Variants in KIAA1217 observed in about 807,000 individuals in gnomAD.
The protein encoded by KIAA1217 is KIAA1217.
Under a neutral mutation model 163.9 loss-of-function variants are expected in KIAA1217, and 88 were observed. The observed-to-expected ratio is 0.54, with a 90% confidence interval of 0.45 to 0.64. KIAA1217 has a LOEUF of 0.64. KIAA1217 is among the 30% of genes least tolerant of loss of function. The probability of loss-of-function intolerance (pLI) is 0.00; values close to 1 mark genes in which losing one functional copy is unlikely to be tolerated. For missense variants in KIAA1217, 2,372 were observed against 2,475.0 expected, an observed-to-expected ratio of 0.96 and a Z score of 0.88; for synonymous variants, 903 against 923.1, an observed-to-expected ratio of 0.98 and a Z score of 0.39.
At chr10:23,737,735 A>C (rs1838893341) in intron 1 of KIAA1217, among the ~76,000 whole-genome samples, 1 of 152,176 alleles carries the variant, frequency 6.6e-6, no homozygotes, top group South Asian at 2.1e-4. Flanking sequence ...ATTTGTGAGA[A>C]TACATTATTT....
chr10:24,521,756 A>G (rs1476708132), intron 11 of KIAA1217, 26 bp from the exon 12 acceptor site: 1 of 1,603,358 alleles, frequency 6.2e-7, no homozygotes. Context: ...TTCTCCTCCA[A>G]TTCACCTGCT....
At chr10:23,976,066 C>T (rs894804091) in intron 1 of KIAA1217, among the ~76,000 whole-genome samples, 17 of 152,124 alleles carry the variant, frequency 1.1e-4, no homozygotes, top group South Asian at 2.1e-4. Context: ...AATGTCAAAA[C>T]GAAATAGGAC....
chr10:23,763,207 A>G (rs1309959650), intron 1 of KIAA1217, among the ~76,000 whole-genome samples: 6 of 152,242 alleles, frequency 3.9e-5, no homozygotes, highest in Non-Finnish European at 7.3e-5. Flanking sequence ...TTATAGATTC[A>G]ATGCTGTTTC....
chr10:23,879,684 A>T (rs10828562), intron 1 of KIAA1217, among the ~76,000 whole-genome samples: 28,392 of 151,872 alleles, frequency 0.19, 2,760 homozygotes, highest in Middle Eastern at 0.22. Context: ...TTCTTTAATG[A>T]GTTTCTGTAT....
At chr10:24,466,596 T>G (rs956967422) in intron 5 of KIAA1217, 6 of 985,238 alleles carry the variant, frequency 6.1e-6, no homozygotes, top group Non-Finnish European at 7.2e-6. Flanking sequence ...TTGTGAACAC[T>G]CGAGCTGAGA....
intron 1 of KIAA1217, among the ~76,000 whole-genome samples, chr10:23,907,541 C>T (rs76165076): frequency 0.028 from 4,202 of 152,008 alleles, 83 homozygotes; most frequent in Non-Finnish European, 0.041. Flanking sequence ...GGTCTGGGTC[C>T]GATAGCCCAA....
At chr10:23,840,275 C>T (rs565794834) in intron 1 of KIAA1217, among the ~76,000 whole-genome samples, 2 of 152,162 alleles carry the variant, frequency 1.3e-5, no homozygotes, top group Non-Finnish European at 2.9e-5. Context: ...TCTGCCTCAG[C>T]CTCCCGAGTA....
At chr10:24,136,503 G>A (rs79527607) in intron 2 of KIAA1217, among the ~76,000 whole-genome samples, 1 of 151,930 alleles carries the variant, frequency 6.6e-6, no homozygotes, top group East Asian at 1.9e-4. Flanking sequence ...AAATATGAAG[G>A]CTACTTTAAA....
intron 2 of KIAA1217, among the ~76,000 whole-genome samples, chr10:24,264,630 A>C (rs756070285): frequency 1.3e-5 from 2 of 152,194 alleles, no homozygotes; most frequent in African/African-American, 2.4e-5. Context: ...CTGGGTAAGA[A>C]CTTGTGCTGA....
chr10:24,203,391 G>A (rs193272523), intron 2 of KIAA1217, among the ~76,000 whole-genome samples: 25 of 152,250 alleles, frequency 1.6e-4, no homozygotes, highest in African/African-American at 4.6e-4. Flanking sequence ...CCCTGGAGAC[G>A]AGAAAGATGG....
intron 1 of KIAA1217, among the ~76,000 whole-genome samples, chr10:24,002,116 G>C (rs897420417): frequency 6.6e-6 from 1 of 152,154 alleles, no homozygotes; most frequent in East Asian, 1.9e-4. Context: ...ACAATCTCAC[G>C]GGGCTCTCAG....
chr10:23,849,209 C>G (rs1378998175), intron 1 of KIAA1217, among the ~76,000 whole-genome samples: 1 of 152,026 alleles, frequency 6.6e-6, no homozygotes, highest in Non-Finnish European at 1.5e-5. Context: ...TCAATGGAAG[C>G]CTTAAAATAT....
At chr10:24,216,436 C>T (rs545458892) in intron 1 of KIAA1217, among the ~76,000 whole-genome samples, 1 of 152,236 alleles carries the variant, frequency 6.6e-6, no homozygotes, top group East Asian at 1.9e-4. Flanking sequence ...AATCACCTTT[C>T]CAGAGGCTCA....
At chr10:24,221,745 TAA>T (rs1240937293) in intron 2 of KIAA1217, among the ~76,000 whole-genome samples, 3 of 152,172 alleles carry the variant, frequency 2.0e-5, no homozygotes, top group Non-Finnish European at 4.4e-5. Context: ...TTGATAATTT[TAA>T]AAAGACTCTG....
intron 3 of KIAA1217, among the ~76,000 whole-genome samples, chr10:24,409,714 C>T (rs568855006): frequency 6.6e-6 from 1 of 152,146 alleles, no homozygotes; most frequent in African/African-American, 2.4e-5. Flanking sequence ...TTCACTGAAC[C>T]CAATTTGCAG....
intron 3 of KIAA1217, among the ~76,000 whole-genome samples, chr10:24,384,168 G>C (rs1286857688): frequency 6.6e-6 from 1 of 152,198 alleles, no homozygotes; most frequent in Non-Finnish European, 1.5e-5. Context: ...TGGAAGCCCT[G>C]GGTGTCTTTT....
chr10:24,351,942 C>T (rs1333787887), intron 2 of KIAA1217, among the ~76,000 whole-genome samples: 1 of 152,200 alleles, frequency 6.6e-6, no homozygotes. Flanking sequence ...GTCTGACCCT[C>T]CCCTGTGGTT....
At chr10:23,769,826 A>G (rs1834716648) in intron 1 of KIAA1217, among the ~76,000 whole-genome samples, 1 of 152,188 alleles carries the variant, frequency 6.6e-6, no homozygotes. Flanking sequence ...ATTGATTGCT[A>G]CTACATCATT....
intron 5 of KIAA1217, among the ~76,000 whole-genome samples, chr10:24,457,360 G>GTGTGTGTGTGTGTGTGTT (rs774686589): frequency 0.066 from 9,974 of 151,596 alleles, 409 homozygotes; most frequent in East Asian, 0.16. Context: ...GTGTGTGTGT[G>GTGTGTGTGTGTGTGTGTT]TGTATGTGTG....
Sources: allele counts gnomAD v4.1 joint callset (sites outside exome capture counted in the v4.1 genomes callset), GRCh38; gene constraint gnomAD v4.1.1; transcripts MANE v1.5; gene names NCBI Gene and HGNC (gene_info 2026-07-23, HGNC 2026-07-21).